The following ASPRV1 variants were observed in gnomAD, a reference collection of about 807,000 sequenced individuals.
The protein encoded by ASPRV1 is aspartic peptidase retroviral like 1.
ASPRV1 carries 7 observed loss-of-function variants against 11.0 expected under a neutral mutation model. The ratio of observed to expected loss-of-function variants is 0.64; its 90% CI spans 0.36 to 1.20. The LOEUF is 1.20. Ranked by LOEUF, ASPRV1 falls within the 50% of genes most tolerant of loss-of-function variation. ASPRV1 has a pLI of 0.02. For synonymous variants in ASPRV1, 136 were observed against 138.4 expected (o/e 0.98, Z 0.12); for missense variants, 299 against 320.0 (o/e 0.93, Z 0.50).
At chr2:70,067,658 T>A in the ASPRV1 span, among the ~76,000 whole-genome samples, 1 of 152,232 alleles carries the variant, frequency 6.6e-6, no homozygotes, top group African/African-American at 2.4e-5. Flanking sequence ...TTATATCACT[T>A]GTATAGAGAA....
chr2:70,068,805 C>T, the ASPRV1 span, among the ~76,000 whole-genome samples: 3 of 151,312 alleles, frequency 2.0e-5, no homozygotes, highest in Non-Finnish European at 2.9e-5. Flanking sequence ...ATTAGCCAGT[C>T]GTGGTGGCAC....
the ASPRV1 span, among the ~76,000 whole-genome samples, chr2:70,006,911 T>G: frequency 6.6e-6 from 1 of 152,142 alleles, no homozygotes; most frequent in Non-Finnish European, 1.5e-5. Flanking sequence ...TAATCCAGAG[T>G]GCAGCCTTGG....
At chr2:69,986,228 A>T in the ASPRV1 span, among the ~76,000 whole-genome samples, 35 of 152,356 alleles carry the variant, frequency 2.3e-4, no homozygotes, top group East Asian at 1.9e-3. Flanking sequence ...GCCCTCAGGT[A>T]GATTCATAGC....
the ASPRV1 span, among the ~76,000 whole-genome samples, chr2:70,074,147 A>T: frequency 6.7e-5 from 10 of 149,724 alleles, no homozygotes; most frequent in Non-Finnish European, 1.5e-4. Flanking sequence ...AAAAAAAAAA[A>T]AAAAAAAAAA....
the ASPRV1 span, chr2:69,996,792 G>C: frequency 4.6e-5 from 21 of 455,202 alleles, no homozygotes; most frequent in Non-Finnish European, 8.8e-5. Flanking sequence ...AGGGATGTCG[G>C]ACGGTCAGAT....
chr2:70,004,663 T>C, the ASPRV1 span, among the ~76,000 whole-genome samples: 1 of 152,204 alleles, frequency 6.6e-6, no homozygotes, highest in Non-Finnish European at 1.5e-5. Flanking sequence ...AACATTCATT[T>C]TCTTATATGG....
chr2:70,056,280 A>C, the ASPRV1 span: 1 of 152,182 alleles, frequency 6.6e-6, no homozygotes, highest in African/African-American at 2.4e-5. Context: ...CAAAATGTGA[A>C]TATACCTAAG....
chr2:70,042,975 T>C, the ASPRV1 span, among the ~76,000 whole-genome samples: 2 of 152,236 alleles, frequency 1.3e-5, no homozygotes, highest in Non-Finnish European at 2.9e-5. Flanking sequence ...GAGGCATCTA[T>C]AAACCCAATT....
At chr2:70,006,648 G>A in the ASPRV1 span, among the ~76,000 whole-genome samples, 1 of 152,092 alleles carries the variant, frequency 6.6e-6, no homozygotes, top group Non-Finnish European at 1.5e-5. Flanking sequence ...AAAGCAGAGA[G>A]AACACCCTTA....
At chr2:70,065,491 G>A in the ASPRV1 span, among the ~76,000 whole-genome samples, 1 of 149,662 alleles carries the variant, frequency 6.7e-6, no homozygotes, top group Admixed American at 6.7e-5. Context: ...ATAATATATT[G>A]ATAAGTGCGA....
the ASPRV1 span, chr2:70,069,159 T>G: frequency 6.6e-6 from 1 of 152,246 alleles, no homozygotes; most frequent in African/African-American, 2.4e-5. Context: ...TATCACAGCC[T>G]GCTGAGCCTC....
Position 69,960,711 on chromosome 2 carries a change from C to G in ASPRV1, c.726G>C (p.Glu242Asp). ...CTGAGGAGGGGTCCTCCTCTATGAG[C>G]TCCAGGTCAAACTCATCTTCCAGGG... ...GGSLEDEFDL[E>D]LIEEDPSSEE... is the part of the protein sequence containing the mutation. The change falls in exon 1 of 1, where the codon GAG becomes GAC. Residue 242 changes from glutamate (E) to aspartate (D), a missense_variant. Transcript: ENST00000320256. 6.2e-7 allele frequency: 1 copy of G among 1,614,104 alleles called. No homozygotes were observed.
rs1239153797 is a variant in ASPRV1 at position 69,961,250 on chromosome 2, G to A, written c.187C>T (p.Leu63=). The stretch of plus-strand genomic sequence containing the variant: ...GGACTGAGCCTATTGTAGACACCCA[G>A]GGCCTCTCCTCTGAGGGACTCTTTC... ...FLKESLRGEA[L]GVYNRLSPQD... Residue 63 remains leucine (L), a synonymous_variant, in exon 1 of 1, where the codon CTG becomes TTG. Transcript: ENST00000320256. The A allele has an allele frequency of 2.5e-6, 4 of 1,613,994 alleles. No individual in the cohort carries two copies. The African/African-American group carries it at 5.3e-5, about 22-fold the overall frequency.
At chr2:70,003,272 C>T in the ASPRV1 span, 1 of 152,194 alleles carries the variant, frequency 6.6e-6, no homozygotes, top group Non-Finnish European at 1.5e-5. Context: ...ATCATGGGGA[C>T]CTTGGCCAAG....
the ASPRV1 span, among the ~76,000 whole-genome samples, chr2:70,009,046 T>A: frequency 1.6e-4 from 25 of 152,246 alleles, no homozygotes; most frequent in South Asian, 4.8e-3. Context: ...ATGAGCTCCA[T>A]AAATGTGAGG....
chr2:69,996,236 A>C, the ASPRV1 span, among the ~76,000 whole-genome samples: 2 of 150,958 alleles, frequency 1.3e-5, no homozygotes, highest in Non-Finnish European at 3.0e-5. Flanking sequence ...AAAAAAAAAA[A>C]AAACAATTAG....
the ASPRV1 span, among the ~76,000 whole-genome samples, chr2:70,004,731 C>T: frequency 6.6e-6 from 1 of 152,078 alleles, no homozygotes; most frequent in Non-Finnish European, 1.5e-5. Context: ...AACCTCTTCT[C>T]GTCTCCTGCT....
At chr2:69,964,903 T>C (rs1678284127), upstream of ASPRV1, 1 of 152,532 alleles carries the variant, frequency 6.6e-6, no homozygotes, top group Non-Finnish European at 1.5e-5. Flanking sequence ...CTGGATCCTT[T>C]GCCTGCTTTA....
chr2:70,045,839 C>G, the ASPRV1 span: 6 of 152,126 alleles, frequency 3.9e-5, no homozygotes, highest in African/African-American at 1.2e-4. Flanking sequence ...GAGAGAATCG[C>G]TTAAACCCAG....
Sources: gnomAD v4.1 joint callset for allele counts (sites outside exome capture counted in the v4.1 genomes callset) on GRCh38, gnomAD v4.1.1 for gene constraint, MANE v1.5 for transcripts, NCBI Gene and HGNC (gene_info 2026-07-23, HGNC 2026-07-21) for gene names.